Variants in MRPS22 observed in about 807,000 individuals in gnomAD.
MRPS22 encodes small ribosomal subunit protein mS22.
In MRPS22, 30 loss-of-function variants were observed where a neutral mutation model predicts 44.0. That is an observed-to-expected ratio of 0.68 (90% CI 0.51 to 0.93). MRPS22 has a LOEUF of 0.93. Ranked by LOEUF, MRPS22 falls within the 40% of genes least tolerant of loss-of-function variation. The pLI, the probability that MRPS22 is intolerant of heterozygous loss-of-function variation, is 0.00. For missense variants in MRPS22, 447 were observed against 447.8 expected, an observed-to-expected ratio of 1.00 and a Z score of 0.02; for synonymous variants, 165 against 154.4, an observed-to-expected ratio of 1.07 and a Z score of -0.51.
intron 1 of MRPS22, among the ~76,000 whole-genome samples, chr3:139,344,403 T>C (rs1481472564): frequency 2.0e-5 from 3 of 152,234 alleles, no homozygotes; most frequent in African/African-American, 7.2e-5. Flanking sequence ...GTGCCTGAGT[T>C]CCGCTCCGTG....
chr3:139,351,954 A>G (rs1167846743), intron 5 of MRPS22: 1 of 152,954 alleles, frequency 6.5e-6, no homozygotes, highest in Non-Finnish European at 1.5e-5. Flanking sequence ...AGGAAGATCA[A>G]TCTGGAAGGA....
At chr3:139,345,445 TTTTTG>T (rs1185322921) in intron 1 of MRPS22, among the ~76,000 whole-genome samples, 116 of 140,576 alleles carry the variant, frequency 8.3e-4, no homozygotes, top group African/African-American at 2.9e-3. Flanking sequence ...GGTGTTTTTT[TTTTTG>T]TTTTTTTTTT....
Position 139,357,047 on chromosome 3 carries a change from T to C in MRPS22, c.*33T>C. On this transcript the variant is annotated 3_prime_UTR_variant, in exon 8 of 8. Coordinates refer to ENST00000680020, the MANE Select transcript of MRPS22 (RefSeq NM_020191.4). ...TTAAAAATACATTTATTTTACTAAA[T>C]ACTGACTACATTTCTCTGTTAATAT... is the stretch of plus-strand genomic sequence containing the variant. The C allele has an allele frequency of 6.9e-7, 1 of 1,451,152 alleles. No individual in the cohort carries two copies. 89.9% of individuals were successfully genotyped at this position (1,451,152 alleles called of 1,614,324 possible).
rs756698992 is a variant in MRPS22 at position 139,346,933 on chromosome 3, A to G, written c.228A>G (p.Gln76=). ...KKPTFMDEEV[Q]SILTKMTGLN... is the part of the protein sequence containing the mutation. The stretch of plus-strand genomic sequence containing the variant: ...CTACATTTATGGATGAGGAAGTTCA[A>G]AGCATACTCACGAAAATGACAGGCT... Residue 76 remains glutamine, a synonymous_variant, in exon 2 of 8, where the codon CAA becomes CAG. Transcript: ENST00000680020. 3.1e-6 allele frequency: 5 copies of G among 1,614,080 alleles called. No homozygotes were observed. The highest frequency in any genetic ancestry group is 3.4e-6 in the Non-Finnish European group (4 of 1,180,028).
chr3:139,347,141 A>G, intron 2 of MRPS22, 97 bp downstream of exon 2: 1 of 1,377,968 alleles, frequency 7.3e-7, no homozygotes. Context: ...ATTCTTCCAT[A>G]GGCACTAGTG....
At chr3:139,346,005 C>A (rs1419540113) in intron 1 of MRPS22, among the ~76,000 whole-genome samples, 1 of 152,132 alleles carries the variant, frequency 6.6e-6, no homozygotes, top group African/African-American at 2.4e-5. Context: ...TGACTAGGAA[C>A]AAATGGCTTT....
At chr3:139,354,370 A>G (rs1277297214) in intron 6 of MRPS22, among the ~76,000 whole-genome samples, 1 of 152,194 alleles carries the variant, frequency 6.6e-6, no homozygotes, top group Non-Finnish European at 1.5e-5. Context: ...GCATGAACCT[A>G]ATGAAGCCCT....
At chr3:139,355,833 G>A (rs779559263) in intron 7 of MRPS22, 43 bp downstream of exon 7, 2 of 1,459,574 alleles carry the variant, frequency 1.4e-6, no homozygotes, top group Admixed American at 3.4e-5. Flanking sequence ...GGTGGTAATT[G>A]AGCTGGGAAA....
intron 3 of MRPS22, among the ~76,000 whole-genome samples, chr3:139,348,742 A>G (rs1045288362): frequency 2.6e-5 from 4 of 152,254 alleles, no homozygotes; most frequent in African/African-American, 9.6e-5. Context: ...TGATGATGCC[A>G]AGAAACTCAG....
chr3:139,352,834 T>C (rs1487551440), intron 6 of MRPS22, 42 bp downstream of exon 6: 3 of 1,589,174 alleles, frequency 1.9e-6, no homozygotes, highest in Admixed American at 3.3e-5. Context: ...TTCTTATTGC[T>C]CTAACAGTTC....
Position 139,352,735 on chromosome 3 carries a change from A to G in MRPS22, c.821A>G (p.Tyr274Cys), listed in dbSNP as rs1242798057. 6.2e-7 allele frequency: 1 copy of G among 1,613,796 alleles called. No individual in the cohort carries two copies. Among genetic ancestry groups the G allele is most frequent in the Non-Finnish European group, 8.5e-7 (1 of 1,179,732 alleles). Residue 274 changes from tyrosine (Y) to cysteine (C), a missense_variant, in exon 6 of 8, where the codon TAT (tyrosine) becomes TGT (cysteine). Physicochemically the swap from Tyr to Cys is radical, Grantham distance 194. Transcript: ENST00000680020. Reference sequence around the variant, plus strand: ...AGATACTTTGGTGGAATGGTGTGGTATTTTGTAAATAATAAAAAGATTGAT... The same window carrying G: ...AGATACTTTGGTGGAATGGTGTGGTGTTTTGTAAATAATAAAAAGATTGAT... ...STRYFGGMVW[Y>C]FVNNKKIDGL... is the part of the protein sequence containing the mutation.
intron 1 of MRPS22, chr3:139,344,617 A>C: frequency 1.5e-6 from 1 of 660,692 alleles, no homozygotes; most frequent in Non-Finnish European, 2.7e-6. Context: ...AGATCTGGTT[A>C]GCCATGCTAA....
At chr3:139,352,272 C>A in intron 5 of MRPS22, 1 of 213,490 alleles carries the variant, frequency 4.7e-6, no homozygotes. Flanking sequence ...TAGACAAATT[C>A]TTCTCTTTTA....
chr3:139,346,891 C>T lies in MRPS22; in HGVS notation c.186C>T (p.Ser62=). ...RFSSEAAESG[S]PETKKPTFMD... ...AGTCCATTTTAGCAGAATCTGGTAG[C>T]CCAGAGACCAAGAAACCTACATTTA... is the stretch of plus-strand genomic sequence containing the variant. Residue 62 remains serine, a synonymous_variant, in exon 2 of 8, where the codon AGC becomes AGT. Transcript: ENST00000680020. The T allele has an allele frequency of 6.2e-7, 1 of 1,614,042 alleles. No homozygotes were observed. The highest frequency in any genetic ancestry group is 8.5e-7 in the Non-Finnish European group (1 of 1,179,962).
chr3:139,347,612 A>G (rs900912959), intron 2 of MRPS22, among the ~76,000 whole-genome samples: 1 of 152,242 alleles, frequency 6.6e-6, no homozygotes, highest in Non-Finnish European at 1.5e-5. Flanking sequence ...TCCTAGAGGT[A>G]ACTGCTTTTA....
chr3:139,348,319 C>T lies in MRPS22; in HGVS notation c.499C>T (p.His167Tyr), dbSNP rs1218470109. The T allele has an allele frequency of 1.9e-6, 3 of 1,613,796 alleles. No individual in the cohort carries two copies. The highest frequency in any genetic ancestry group is 1.3e-5 in the African/African-American group (1 of 75,056). ...VFTDISYSIPHRERFIVVREP... is the reference protein window; with the variant it reads ...VFTDISYSIPYRERFIVVREP... Reference sequence around the variant, plus strand: ...TACTGATATATCATATAGCATACCACACCGGGTGAGTATATGTCTAATCGC... The same window carrying T: ...TACTGATATATCATATAGCATACCATACCGGGTGAGTATATGTCTAATCGC... The change falls in exon 3 of 8, where the codon CAC becomes TAC. Residue 167 changes from histidine (H) to tyrosine (Y), a missense_variant. Physicochemically the swap from His to Tyr is moderately conservative, Grantham distance 83. Coordinates refer to ENST00000680020, the MANE Select transcript of MRPS22 (RefSeq NM_020191.4).
chr3:139,348,063 C>A, intron 2 of MRPS22, 97 bp from the exon 3 acceptor site: 5 of 1,280,204 alleles, frequency 3.9e-6, no homozygotes, highest in Non-Finnish European at 4.4e-6. Flanking sequence ...CTTTTCTATG[C>A]AGGTTTTTGC....
rs757520291 is a variant in MRPS22 at position 139,351,313 on chromosome 3, G to T, written c.732+253G>T. 5.0e-4 allele frequency: 238 copies of T among 472,618 alleles called. 2 individuals carry two copies. Among genetic ancestry groups the T allele is most frequent in the Admixed American group, 1.1e-3 (33 of 30,056 alleles). The allele number at this position is 472,618 out of a possible 1,614,324, so 29.3% of individuals were successfully genotyped here. A position where few individuals can be genotyped will look rare whatever the true frequency, so the allele number is the denominator to read the frequency against. On this transcript the variant is annotated intron_variant, in intron 5 of 7. Coordinates refer to ENST00000680020, the MANE Select transcript of MRPS22 (RefSeq NM_020191.4). Reference sequence around the variant, plus strand: ...AGTTGCATAGCTACTAAGTGGTAGGGTTAGGACCCAAGTTTGATGACAAAG... The same window carrying T: ...AGTTGCATAGCTACTAAGTGGTAGGTTTAGGACCCAAGTTTGATGACAAAG...
chr3:139,353,715 C>A (rs1382722648), intron 6 of MRPS22, among the ~76,000 whole-genome samples: 1 of 152,154 alleles, frequency 6.6e-6, no homozygotes, highest in African/African-American at 2.4e-5. Context: ...TCCAGGCTAG[C>A]CCATTTCACC....
Sources: allele counts gnomAD v4.1 joint callset (sites outside exome capture counted in the v4.1 genomes callset), GRCh38; gene constraint gnomAD v4.1.1; transcripts MANE v1.5; gene names NCBI Gene and HGNC (gene_info 2026-07-23, HGNC 2026-07-21).